Variants in KATNIP observed in about 807,000 individuals in gnomAD.
The protein encoded by KATNIP is katanin interacting protein.
A neutral mutation model predicts 174.0 loss-of-function variants in KATNIP; 126 were observed. The ratio of observed to expected loss-of-function variants is 0.72; its 90% CI spans 0.63 to 0.84. The LOEUF is 0.84. Among genes scored for constraint, KATNIP ranks in the 40% least tolerant of loss-of-function variants. KATNIP has a pLI of 0.00. For missense variants in KATNIP, 1,958 were observed against 2,109.7 expected (o/e 0.93, Z 1.41); for synonymous variants, 810 against 835.7 (o/e 0.97, Z 0.53).
chr16:27,692,153 G>A (rs945707827), intron 8 of KATNIP, among the ~76,000 whole-genome samples: 1 of 152,188 alleles, frequency 6.6e-6, no homozygotes, highest in African/African-American at 2.4e-5. Context: ...TACTTGTCCT[G>A]GTGCTGCCCA....
intron 3 of KATNIP, among the ~76,000 whole-genome samples, chr16:27,625,981 C>A (rs1203330257): frequency 2.0e-5 from 3 of 152,032 alleles, no homozygotes; most frequent in Non-Finnish European, 4.4e-5. Context: ...TCCCAAGTAG[C>A]TAGAACCACA....
intron 8 of KATNIP, among the ~76,000 whole-genome samples, chr16:27,683,107 G>A (rs1226943505): frequency 6.6e-6 from 1 of 152,126 alleles, no homozygotes; most frequent in Non-Finnish European, 1.5e-5. Flanking sequence ...CAAGATTAAG[G>A]CACTGGGATA....
intron 2 of KATNIP, 142 bp downstream of exon 2, chr16:27,574,098 G>A: frequency 1.5e-6 from 1 of 669,924 alleles, no homozygotes; most frequent in Non-Finnish European, 2.6e-6. Context: ...ATGATAGTGA[G>A]CAACTAGACT....
intron 19 of KATNIP, among the ~76,000 whole-genome samples, chr16:27,762,403 T>C (rs747883219): frequency 2.0e-5 from 3 of 152,198 alleles, no homozygotes; most frequent in Admixed American, 6.5e-5. Flanking sequence ...TGTTCATCCA[T>C]TGAAGCCTCA....
chr16:27,659,055 CCA>C (rs2077384801), intron 6 of KATNIP, among the ~76,000 whole-genome samples: 1 of 152,070 alleles, frequency 6.6e-6, no homozygotes, highest in African/African-American at 2.4e-5. Context: ...GCGTGAGCCA[CCA>C]TGCCTGGCCT....
rs910901501 is a variant in KATNIP at position 27,777,156 on chromosome 16, C to T, written c.4551+127C>T. 3.0e-6 allele frequency: 2 copies of T among 669,068 alleles called. No individual in the cohort carries two copies. Among genetic ancestry groups the T allele is most frequent in the African/African-American group, 1.8e-5 (1 of 55,640 alleles). The allele number at this position is 669,068 out of a possible 1,614,324, so 41.4% of individuals were successfully genotyped here. On this transcript the variant is annotated intron_variant, in intron 25 of 27. Transcript: ENST00000261588. The surrounding 1 kb of genome is among the most constrained non-coding windows in gnomAD (Gnocchi z 4.4). ...GCAACCCTCAACACAAATGCCTGGTCGTCAGATGCAGGCGAATTTCCCACC... is the reference window on the plus strand; with the variant it reads ...GCAACCCTCAACACAAATGCCTGGTTGTCAGATGCAGGCGAATTTCCCACC...
intron 3 of KATNIP, among the ~76,000 whole-genome samples, chr16:27,622,867 AG>A (rs1379307291): frequency 6.6e-6 from 1 of 152,136 alleles, no homozygotes; most frequent in East Asian, 1.9e-4. Flanking sequence ...GTTACAGAAG[AG>A]GAAACAGACC....
intron 8 of KATNIP, among the ~76,000 whole-genome samples, chr16:27,683,288 A>G (rs1002082373): frequency 1.3e-5 from 2 of 152,318 alleles, no homozygotes; most frequent in Middle Eastern, 3.4e-3. Flanking sequence ...TGGAGCCTGC[A>G]TCCCAGTGGG....
At position 27,701,712 on chromosome 16, in the gene KATNIP, G is replaced by A. The variant is rs796348770; in HGVS notation, c.1286+17G>A. 3.9e-6 allele frequency: 6 copies of A among 1,553,358 alleles called. No individual in the cohort carries two copies. Among genetic ancestry groups the A allele is most frequent in the African/African-American group, 2.7e-5 (2 of 74,058 alleles). The stretch of plus-strand genomic sequence containing the variant: ...GGGAAGCAGGTACTACTAAGGCTGA[G>A]GCCAAACCCGAAACCCCTTAGCAGT... On this transcript the variant is annotated intron_variant, in intron 11 of 27. Coordinates refer to ENST00000261588, the MANE Select transcript of KATNIP (RefSeq NM_015202.5).
At chr16:27,628,467 C>G (rs1019961931) in intron 3 of KATNIP, 194 bp from the exon 4 acceptor site, 4 of 587,940 alleles carry the variant, frequency 6.8e-6, no homozygotes, top group Non-Finnish European at 1.2e-5. Flanking sequence ...CCCAAACTGT[C>G]TGCCCCTCGT....
At chr16:27,700,532 G>A (rs2079059695) in intron 10 of KATNIP, among the ~76,000 whole-genome samples, 1 of 152,218 alleles carries the variant, frequency 6.6e-6, no homozygotes, top group Admixed American at 6.5e-5. Context: ...TAATATGTGA[G>A]AGAATGACAG....
At chr16:27,699,105 G>C (rs554738199) in intron 9 of KATNIP, among the ~76,000 whole-genome samples, 1 of 152,172 alleles carries the variant, frequency 6.6e-6, no homozygotes, top group Non-Finnish European at 1.5e-5. Flanking sequence ...TCTGTGAGTC[G>C]CCTGTTGAAA....
intron 16 of KATNIP, among the ~76,000 whole-genome samples, chr16:27,751,212 A>T (rs2081505126): frequency 6.6e-6 from 1 of 152,182 alleles, no homozygotes; most frequent in Non-Finnish European, 1.5e-5. Flanking sequence ...TGAAGCAAGG[A>T]TATAGTTTCC....
intron 2 of KATNIP, among the ~76,000 whole-genome samples, chr16:27,587,589 G>T (rs1268003611): frequency 2.0e-5 from 3 of 152,198 alleles, no homozygotes; most frequent in Non-Finnish European, 2.9e-5. Flanking sequence ...TACTTAACCT[G>T]CTGAACATCA....
chr16:27,591,443 A>G (rs941945941), intron 2 of KATNIP, among the ~76,000 whole-genome samples: 1 of 152,078 alleles, frequency 6.6e-6, no homozygotes, highest in African/African-American at 2.4e-5. Context: ...TCGGCCTCCC[A>G]AAGCTGGGAT....
chr16:27,601,966 G>T (rs1430324010), intron 2 of KATNIP, among the ~76,000 whole-genome samples: 1 of 152,154 alleles, frequency 6.6e-6, no homozygotes, highest in Non-Finnish European at 1.5e-5. Context: ...GCAAAGATTG[G>T]CGGAGGGTGG....
At chr16:27,742,197 A>C (rs1315611642) in intron 15 of KATNIP, among the ~76,000 whole-genome samples, 1 of 152,124 alleles carries the variant, frequency 6.6e-6, no homozygotes, top group Non-Finnish European at 1.5e-5. Context: ...GCTCCTGGAG[A>C]GTACGGATAG....
chr16:27,727,561 C>G (rs1480593015), intron 14 of KATNIP: 1 of 152,324 alleles, frequency 6.6e-6, no homozygotes, highest in Non-Finnish European at 1.5e-5. Context: ...AGGCATAGAA[C>G]AGCCTAAGAA....
At chr16:27,745,889 G>A (rs966200095) in intron 15 of KATNIP, among the ~76,000 whole-genome samples, 2 of 151,186 alleles carry the variant, frequency 1.3e-5, no homozygotes, top group Admixed American at 6.6e-5. Flanking sequence ...TCTGCAGACA[G>A]AGAGGTCCGT....
Sources: gnomAD v4.1 joint callset for allele counts (sites outside exome capture counted in the v4.1 genomes callset) on GRCh38, gnomAD v4.1.1 for gene constraint, Gnocchi (gnomAD v3.1) non-coding constraint, MANE v1.5 for transcripts, NCBI Gene and HGNC (gene_info 2026-07-23, HGNC 2026-07-21) for gene names.